The following CLMN variants were observed in gnomAD, a reference collection of about 807,000 sequenced individuals.
CLMN encodes calmin (calponin-like, transmembrane).
Under a neutral mutation model 92.7 loss-of-function variants are expected in CLMN, and 57 were observed. The observed-to-expected ratio is 0.61, with a 90% CI of 0.50 to 0.77. The LOEUF (loss-of-function observed/expected upper bound fraction) is 0.77. Ranked by LOEUF, CLMN falls within the 30% of genes least tolerant of loss-of-function variation. CLMN has a pLI of 0.00. For missense variants in CLMN, 1,158 were observed against 1,237.5 expected (o/e 0.94, Z 0.96); for synonymous variants, 466 against 470.6 (o/e 0.99, Z 0.13).
chr14:95,203,622 G>A lies in CLMN; in HGVS notation c.1727C>T (p.Thr576Ile), dbSNP rs756744715. 2.5e-6 allele frequency: 4 copies of A among 1,614,158 alleles called. No homozygotes were observed. Among genetic ancestry groups the A allele is most frequent in the Non-Finnish European group, 3.4e-6 (4 of 1,180,024 alleles). The change falls in exon 9 of 13, where the codon ACC (threonine) becomes ATC (isoleucine). Residue 576 changes from threonine to isoleucine, a missense_variant. By Grantham distance (89) the Thr-to-Ile change is moderately conservative. Transcript: ENST00000298912. ...FNSDLIDFAS[T>I]SQAFNKVPSP... ...AGGAACTTTGTTGAAAGCCTGGCTGGTAGAAGCAAAATCTATTAGGTCGCT... is the reference window on the plus strand; with the variant it reads ...AGGAACTTTGTTGAAAGCCTGGCTGATAGAAGCAAAATCTATTAGGTCGCT...
At chr14:95,208,755 A>C (rs944440469) in intron 8 of CLMN, among the ~76,000 whole-genome samples, 2 of 152,208 alleles carry the variant, frequency 1.3e-5, no homozygotes, top group African/African-American at 4.8e-5. Flanking sequence ...GAAAAGATTA[A>C]ATGGAAAATT....
In CLMN at chr14:95,312,889, A is replaced by T. The variant is rs138179192; in HGVS notation, c.82+6822T>A. ...AAAAACATCACTGACAGACATACAC[A>T]CACAGAGAGATACACACTAAAAATA... is the stretch of plus-strand genomic sequence containing the variant. On this transcript the variant is annotated intron_variant, in intron 1 of 12. Transcript: ENST00000298912. 4.9e-3 allele frequency among the ~76,000 whole-genome samples: 746 copies of T among 152,246 alleles called. 7 individuals are homozygous for T. The highest frequency in any genetic ancestry group is 0.013 in the African/African-American group (525 of 41,540).
chr14:95,210,057 ATTTTTT>A (rs5810717), intron 7 of CLMN, among the ~76,000 whole-genome samples: 1 of 147,754 alleles, frequency 6.8e-6, no homozygotes, highest in South Asian at 2.1e-4. Flanking sequence ...AGCTAAGTAC[ATTTTTT>A]TTTTTTGGAG....
chr14:95,262,773 C>T (rs966064057), intron 1 of CLMN, among the ~76,000 whole-genome samples: 2 of 152,112 alleles, frequency 1.3e-5, no homozygotes, highest in African/African-American at 4.8e-5. Flanking sequence ...CCCTATGTTG[C>T]CCAGTCTGGT....
chr14:95,311,928 T>G (rs1460660597), intron 1 of CLMN, among the ~76,000 whole-genome samples: 1 of 151,928 alleles, frequency 6.6e-6, no homozygotes, highest in East Asian at 1.9e-4. Flanking sequence ...GCGGGCCTCT[T>G]CCTTCCCCTT....
At chr14:95,289,704 C>T (rs1040698520) in intron 1 of CLMN, among the ~76,000 whole-genome samples, 5 of 152,252 alleles carry the variant, frequency 3.3e-5, no homozygotes, top group African/African-American at 1.2e-4. Flanking sequence ...AGCCCCATTC[C>T]TGGGCTGCCC....
At chr14:95,235,653 T>C (rs1418113777) in intron 1 of CLMN, among the ~76,000 whole-genome samples, 1 of 152,242 alleles carries the variant, frequency 6.6e-6, no homozygotes, top group African/African-American at 2.4e-5. Context: ...CTTTAGTCAC[T>C]GAATTCATAC....
intron 1 of CLMN, among the ~76,000 whole-genome samples, chr14:95,250,037 A>ATCT (rs111678517): frequency 0.24 from 36,638 of 151,922 alleles, 5,887 homozygotes; most frequent in African/African-American, 0.46. Context: ...CATTCCTTTA[A>ATCT]TCTGCCTTCC....
chr14:95,284,394 A>C lies in CLMN; in HGVS notation c.82+35317T>G, dbSNP rs188738383. Among the ~76,000 whole-genome samples, 150 of 152,328 alleles carry C rather than the reference A, an allele frequency of 9.8e-4. 1 individual carries two copies. Among genetic ancestry groups the C allele is most frequent in the African/African-American group, 2.6e-3 (109 of 41,594 alleles). ...CAGAGTCCCTACTGGGGCACTGCCT[A>C]GTGGAGCTATAAAAAGAGGGCCACC... On this transcript the variant is annotated intron_variant, in intron 1 of 12. Transcript: ENST00000298912.
chr14:95,242,835 G>T (rs1013457295), intron 1 of CLMN, among the ~76,000 whole-genome samples: 21 of 151,964 alleles, frequency 1.4e-4, no homozygotes, highest in African/African-American at 5.1e-4. Context: ...CCAAAGTGCT[G>T]GGATTACAGG....
rs1030560793 is a variant in CLMN at position 95,221,600 on chromosome 14, C to T, written c.324+91G>A. On this transcript the variant is annotated intron_variant, in intron 4 of 12. Transcript: ENST00000298912. ...CCATTTTAGCTCAGTCCCCGTCTCA[C>T]GCTTCTCTTGCGACCAGCACTGAAC... 52 of 1,127,828 alleles carry T rather than the reference C, an allele frequency of 4.6e-5. No homozygotes were observed. The Admixed American group carries it at 7.2e-4, about 16-fold the overall frequency. The allele number at this position is 1,127,828 out of a possible 1,614,324, so 69.9% of individuals were successfully genotyped here.
chr14:95,307,323 C>T (rs1297719200), intron 1 of CLMN, among the ~76,000 whole-genome samples: 1 of 152,224 alleles, frequency 6.6e-6, no homozygotes, highest in African/African-American at 2.4e-5. Flanking sequence ...GTGGCCAGGG[C>T]AGACTCCAGC....
intron 1 of CLMN, among the ~76,000 whole-genome samples, chr14:95,240,565 G>T (rs750934976): frequency 6.6e-6 from 1 of 152,118 alleles, no homozygotes; most frequent in African/African-American, 2.4e-5. Flanking sequence ...ATCCAAGGAG[G>T]AATACCCTTG....
intron 1 of CLMN, among the ~76,000 whole-genome samples, chr14:95,250,787 G>A (rs1056912589): frequency 1.3e-5 from 2 of 152,222 alleles, no homozygotes; most frequent in African/African-American, 4.8e-5. Flanking sequence ...AACGAATGCA[G>A]GGGACTAAGG....
At chr14:95,226,216 T>C (rs978643772) in intron 2 of CLMN, among the ~76,000 whole-genome samples, 1 of 152,210 alleles carries the variant, frequency 6.6e-6, no homozygotes, top group Non-Finnish European at 1.5e-5. Context: ...ACAGTATTTG[T>C]ATATAATCTA....
intron 1 of CLMN, among the ~76,000 whole-genome samples, chr14:95,245,254 A>ATATATATAAT (rs1491364370): frequency 1.0e-3 from 29 of 27,946 alleles, no homozygotes; most frequent in African/African-American, 5.1e-3. Flanking sequence ...ATATATATAT[A>ATATATATAAT]ATATATATAT....
At position 95,184,915 on chromosome 14, in the gene CLMN, C is replaced by T. The variant is rs1896405532; in HGVS notation, c.*6649G>A. On this transcript the variant is annotated 3_prime_UTR_variant, in exon 13 of 13. Coordinates refer to ENST00000298912, the MANE Select transcript of CLMN (RefSeq NM_024734.4). ...CTTGAGGCCAGGAGTTCGAGACCAGCCTGAGCAACAGTGAGACCTGTATCT... is the reference window on the plus strand; with the variant it reads ...CTTGAGGCCAGGAGTTCGAGACCAGTCTGAGCAACAGTGAGACCTGTATCT... The T allele has an allele frequency of 6.6e-6, 1 of 152,480 alleles. No individual in the cohort carries two copies. Among genetic ancestry groups the T allele is most frequent in the East Asian group, 1.9e-4 (1 of 5,192 alleles). 9.4% of individuals were successfully genotyped at this position (152,480 alleles called of 1,614,324 possible). A position where few individuals can be genotyped will look rare whatever the true frequency, so the allele number is the denominator to read the frequency against.
intron 9 of CLMN, among the ~76,000 whole-genome samples, chr14:95,198,491 G>T (rs1039516444): frequency 6.6e-6 from 1 of 151,932 alleles, no homozygotes; most frequent in African/African-American, 2.4e-5. Context: ...TCACCCACAC[G>T]GATTGAGGCA....
Position 95,191,492 on chromosome 14 carries a change from G to T in CLMN, c.*72C>A. On this transcript the variant is annotated 3_prime_UTR_variant, in exon 13 of 13. Coordinates refer to ENST00000298912, the MANE Select transcript of CLMN (RefSeq NM_024734.4). This position sits in a 1 kb window ranked among gnomAD's most constrained non-coding sequence, Gnocchi z 5.3. Reference sequence around the variant, plus strand: ...ACTGTCTGTAGAAGTGCCCCACCCAGAACCCAAAATAAAATGAAGTAACCC... The same window carrying T: ...ACTGTCTGTAGAAGTGCCCCACCCATAACCCAAAATAAAATGAAGTAACCC... 1.4e-6 allele frequency: 2 copies of T among 1,392,592 alleles called. No individual in the cohort carries two copies. Among genetic ancestry groups the T allele is most frequent in the South Asian group, 1.4e-5 (1 of 70,664 alleles). The allele number at this position is 1,392,592 out of a possible 1,614,324, so 86.3% of individuals were successfully genotyped here.
Sources: allele counts gnomAD v4.1 joint callset (sites outside exome capture counted in the v4.1 genomes callset), GRCh38; gene constraint gnomAD v4.1.1; non-coding constraint Gnocchi (gnomAD v3.1); transcripts MANE v1.5; gene names NCBI Gene and HGNC (gene_info 2026-07-23, HGNC 2026-07-21).